Variants in HMGN3 observed in about 807,000 individuals in gnomAD.
HMGN3 encodes the protein high mobility group nucleosome-binding domain-containing protein 3.
In HMGN3, 6 loss-of-function variants were observed where a neutral mutation model predicts 18.8. The ratio of observed to expected loss-of-function variants is 0.32; its 90% confidence interval spans 0.18 to 0.63. The LOEUF is 0.63. Ranked by LOEUF, HMGN3 falls within the 30% of genes least tolerant of loss-of-function variation. The pLI is 0.79. For missense variants in HMGN3, 107 were observed against 114.2 expected (o/e 0.94, Z 0.29); for synonymous variants, 40 against 36.5 (o/e 1.10, Z -0.35).
At chr6:79,216,505 C>T (rs1776990231) in intron 1 of HMGN3, among the ~76,000 whole-genome samples, 1 of 152,190 alleles carries the variant, frequency 6.6e-6, no homozygotes, top group South Asian at 2.1e-4. Flanking sequence ...AGTGACCTTT[C>T]TCTATTCCCT....
rs1353465290 is a variant in HMGN3 at position 79,234,674 on chromosome 6, G to A, written c.-114C>T. On this transcript the variant is annotated 5_prime_UTR_variant, in exon 1 of 6. Coordinates refer to ENST00000344726, the Ensembl canonical transcript of HMGN3. ...TCACGCGCAGGGCACGACGTAGCCC[G>A]GCCTCTTCGACCTGCACCTCCGCGG... is the stretch of plus-strand genomic sequence containing the variant. 3.9e-6 allele frequency: 4 copies of A among 1,037,092 alleles called. No homozygotes were observed. The African/African-American group carries it at 6.3e-5, about 16-fold the overall frequency. 64.2% of individuals were successfully genotyped at this position (1,037,092 alleles called of 1,614,324 possible). A position where few individuals can be genotyped will look rare whatever the true frequency, so the allele number is the denominator to read the frequency against.
chr6:79,208,823 G>T (rs919773166), intron 2 of HMGN3, among the ~76,000 whole-genome samples: 5 of 152,138 alleles, frequency 3.3e-5, no homozygotes, highest in Admixed American at 6.5e-5. Flanking sequence ...CCAACTAAGG[G>T]TGTGGTGAAT....
chr6:79,220,738 C>A (rs13191988), intron 1 of HMGN3, among the ~76,000 whole-genome samples: 1 of 152,100 alleles, frequency 6.6e-6, no homozygotes, highest in Admixed American at 6.5e-5. Context: ...TGAGCCACCA[C>A]GCCCCACCAC....
chr6:79,204,899 G>T (rs1776337927), intron 3 of HMGN3, among the ~76,000 whole-genome samples: 1 of 152,118 alleles, frequency 6.6e-6, no homozygotes, highest in Admixed American at 6.6e-5. Context: ...AAAACATTTT[G>T]TCATCCTAAG....
chr6:79,202,967 A>G lies in HMGN3; in HGVS notation c.148-578T>C, dbSNP rs560069700. 5.3e-4 allele frequency among the ~76,000 whole-genome samples: 81 copies of G among 152,282 alleles called. No individual in the cohort carries two copies. In the South Asian group the frequency reaches 0.016, roughly 29 times the overall value. ...TACACATAAGTTTTAAACAATTCAC[A>G]TGGGACAATACCAAAGGGCAGAGTG... On this transcript the variant is annotated intron_variant, in intron 4 of 5. Coordinates refer to ENST00000344726, the Ensembl canonical transcript of HMGN3.
At chr6:79,203,174 T>A (rs1776233453) in intron 4 of HMGN3, among the ~76,000 whole-genome samples, 1 of 152,164 alleles carries the variant, frequency 6.6e-6, no homozygotes, top group South Asian at 2.1e-4. Flanking sequence ...CTGGCATTAT[T>A]ATATTATTAT....
chr6:79,220,983 T>C (rs1777254612), intron 1 of HMGN3, among the ~76,000 whole-genome samples: 1 of 152,172 alleles, frequency 6.6e-6, no homozygotes, highest in Admixed American at 6.5e-5. Context: ...AGACTCCAAT[T>C]TGTGAATTCT....
chr6:79,215,624 TC>T (rs1776941481), intron 1 of HMGN3, among the ~76,000 whole-genome samples: 1 of 152,242 alleles, frequency 6.6e-6, no homozygotes, highest in Non-Finnish European at 1.5e-5. Flanking sequence ...CTGATTTATT[TC>T]CAGGTTTTGA....
intron 1 of HMGN3, among the ~76,000 whole-genome samples, chr6:79,227,311 C>T (rs1303702818): frequency 2.0e-5 from 3 of 152,074 alleles, no homozygotes; most frequent in African/African-American, 7.2e-5. Flanking sequence ...AAGATTAAAG[C>T]TTCTGTTCTT....
chr6:79,234,448 G>A (rs1367563886), intron 1 of HMGN3, 98 bp downstream of exon 1: 5 of 1,168,530 alleles, frequency 4.3e-6, no homozygotes, highest in South Asian at 3.8e-5. Flanking sequence ...CAATCCCCGG[G>A]TTACTACCGC....
intron 4 of HMGN3, among the ~76,000 whole-genome samples, chr6:79,202,793 T>C (rs984825342): frequency 1.3e-5 from 2 of 152,134 alleles, no homozygotes; most frequent in Non-Finnish European, 2.9e-5. Flanking sequence ...TGCTTTCCAA[T>C]GAACCCCTCA....
rs145115667 is a variant in HMGN3, at chr6:79,201,426, T to C, written c.*262A>G. On this transcript the variant is annotated 3_prime_UTR_variant, in exon 6 of 6. Coordinates refer to ENST00000344726, the Ensembl canonical transcript of HMGN3. Reference sequence around the variant, plus strand: ...AAAAACACCACAGTATGCACAGGACTAAATTTTAAAGCAAGTGCATGGAAT... The same window carrying C: ...AAAAACACCACAGTATGCACAGGACCAAATTTTAAAGCAAGTGCATGGAAT... 1.0e-3 allele frequency: 460 copies of C among 456,974 alleles called. 2 individuals are homozygous for C. Among genetic ancestry groups the C allele is most frequent in the African/African-American group, 6.5e-3 (333 of 51,066 alleles). The allele number at this position is 456,974 out of a possible 1,614,324, so 28.3% of individuals were successfully genotyped here. A position where few individuals can be genotyped will look rare whatever the true frequency, so the allele number is the denominator to read the frequency against.
At chr6:79,203,429 CTG>C (rs1776250898) in intron 4 of HMGN3, 149 bp downstream of exon 4, 1 of 689,974 alleles carries the variant, frequency 1.4e-6, no homozygotes, top group Non-Finnish European at 2.5e-6. Flanking sequence ...ACGCAGAAAA[CTG>C]TGCTTTATGC....
At chr6:79,214,877 C>A in intron 2 of HMGN3, 95 bp downstream of exon 2, 2 of 744,440 alleles carry the variant, frequency 2.7e-6, no homozygotes, top group Admixed American at 2.6e-5. Context: ...TTTGTTCATA[C>A]AATTGTCCGC....
chr6:79,201,681 T>G, exon 6 of HMGN3: 1 of 1,567,990 alleles, frequency 6.4e-7, no homozygotes, highest in South Asian at 1.1e-5. Flanking sequence ...CAATTTTTCA[T>G]GACAATTCAT....
At chr6:79,232,591 T>G (rs1417658238) in intron 1 of HMGN3, among the ~76,000 whole-genome samples, 1 of 151,614 alleles carries the variant, frequency 6.6e-6, no homozygotes, top group Non-Finnish European at 1.5e-5. Context: ...GTAATTTTAC[T>G]GTTATTTTAG....
At chr6:79,228,899 A>G (rs1777694795) in intron 1 of HMGN3, among the ~76,000 whole-genome samples, 1 of 152,226 alleles carries the variant, frequency 6.6e-6, no homozygotes, top group African/African-American at 2.4e-5. Context: ...TAAGAACGAC[A>G]TACAGACCAT....
At chr6:79,211,032 AAT>A (rs67784150) in intron 2 of HMGN3, among the ~76,000 whole-genome samples, 4,461 of 146,284 alleles carry the variant, frequency 0.03, 68 homozygotes, top group South Asian at 0.058. Flanking sequence ...AAAAAAAAAA[AAT>A]GCCTAAGCTG....
chr6:79,223,739 CT>C (rs11461795), intron 1 of HMGN3, among the ~76,000 whole-genome samples: 60,754 of 147,436 alleles, frequency 0.41, 14,066 homozygotes, highest in East Asian at 0.79. Flanking sequence ...CTAGAGTTAC[CT>C]TTTTTTTTTT....
Sources: allele counts gnomAD v4.1 joint callset (sites outside exome capture counted in the v4.1 genomes callset), GRCh38; gene constraint gnomAD v4.1.1; transcripts MANE v1.5; gene names NCBI Gene and HGNC (gene_info 2026-07-23, HGNC 2026-07-21).